The following CAMTA1 variants were observed in gnomAD, a reference collection of about 807,000 sequenced individuals.
CAMTA1 encodes the protein calmodulin binding transcription activator 1.
CAMTA1 carries 27 observed loss-of-function variants against 170.9 expected under a neutral mutation model. The ratio of observed to expected loss-of-function variants is 0.16; its 90% CI spans 0.12 to 0.22. The LOEUF (loss-of-function observed/expected upper bound fraction) is 0.22, where lower values mean the gene tolerates loss of function less well. CAMTA1 is among the 10% of genes least tolerant of loss of function. The probability of loss-of-function intolerance (pLI) is 1.00; values close to 1 mark genes in which losing one functional copy is unlikely to be tolerated. For missense variants in CAMTA1, 1,619 were observed against 2,217.2 expected (o/e 0.73, Z 5.42); for synonymous variants, 833 against 891.5 (o/e 0.93, Z 1.17).
chr1:7,137,506 G>T lies in CAMTA1; in HGVS notation c.302+46135G>T, dbSNP rs111921221. Among the ~76,000 whole-genome samples, 32 of 152,216 alleles carry T rather than the reference G, an allele frequency of 2.1e-4. No homozygotes were observed. The East Asian group carries it at 5.8e-3, about 28-fold the overall frequency. ...CTAACTGGTCTTATTTTAAATGTAC[G>T]ATCCCCCGCTCCAGGCCCTGGTGCT... is the stretch of plus-strand genomic sequence containing the variant. On this transcript the variant is annotated intron_variant, in intron 4 of 22. Coordinates refer to ENST00000303635, the MANE Select transcript of CAMTA1 (RefSeq NM_015215.4).
rs777417085 is a variant in CAMTA1 at position 7,144,317 on chromosome 1, CAG to C, written c.302+52949_302+52950del. Among the ~76,000 whole-genome samples the C allele has an allele frequency of 1.6e-4, 24 of 152,090 alleles. No individual in the cohort carries two copies. The highest frequency in any genetic ancestry group is 4.1e-4 in the African/African-American group (17 of 41,468). On this transcript the variant is annotated intron_variant, in intron 4 of 22. Coordinates refer to ENST00000303635, the MANE Select transcript of CAMTA1 (RefSeq NM_015215.4). This position sits in a 1 kb window ranked among gnomAD's most constrained non-coding sequence, Gnocchi z 4.0. Reference sequence around the variant, plus strand: ...TGAGTGTGTGAGAGACAGCAAGAGACAGAGCGAAAGAGAGAGTCTCTTTTCGT... The same window carrying C: ...TGAGTGTGTGAGAGACAGCAAGAGACAGCGAAAGAGAGAGTCTCTTTTCGT...
chr1:7,317,897 T>G (rs1574640292), intron 5 of CAMTA1, among the ~76,000 whole-genome samples: 1 of 152,228 alleles, frequency 6.6e-6, no homozygotes, highest in East Asian at 1.9e-4. Context: ...GTTCCTTTCC[T>G]GCCTAGGGCA....
At chr1:7,231,163 C>T (rs910789682) in intron 4 of CAMTA1, among the ~76,000 whole-genome samples, 1 of 152,190 alleles carries the variant, frequency 6.6e-6, no homozygotes, top group Non-Finnish European at 1.5e-5. Context: ...CCCAGGCAAC[C>T]TCCTGGCCCC....
intron 5 of CAMTA1, among the ~76,000 whole-genome samples, chr1:7,424,117 G>T (rs1339140629): frequency 6.6e-6 from 1 of 152,078 alleles, no homozygotes; most frequent in Non-Finnish European, 1.5e-5. Flanking sequence ...TCCCCACGTG[G>T]GCTCTGTGCT....
In CAMTA1 at chr1:7,577,362, C is replaced by T. The variant is rs369092892; in HGVS notation, c.511-63038C>T. Among the ~76,000 whole-genome samples the T allele has an allele frequency of 1.4e-4, 22 of 152,228 alleles. 1 individual carries two copies. The East Asian group carries it at 3.5e-3, about 24-fold the overall frequency. On this transcript the variant is annotated intron_variant, in intron 6 of 22. Coordinates refer to ENST00000303635, the MANE Select transcript of CAMTA1 (RefSeq NM_015215.4). ...CTTTAAGGAGTAGCCCCAACCTCTC[C>T]CAGCCCCTCAGGAGGGAAGCAAGGC...
chr1:6,904,813 G>A (rs955031784), intron 3 of CAMTA1, among the ~76,000 whole-genome samples: 2 of 132,100 alleles, frequency 1.5e-5, no homozygotes, highest in Admixed American at 9.2e-5. Context: ...GACTGATCTC[G>A]AACTCCTGAG....
chr1:7,052,405 G>C (rs1706548324), intron 3 of CAMTA1, among the ~76,000 whole-genome samples: 1 of 152,072 alleles, frequency 6.6e-6, no homozygotes, highest in African/African-American at 2.4e-5. Context: ...TACCATCTCA[G>C]GTTCCAGAAG....
At chr1:7,370,914 C>CTTT (rs61387662) in intron 5 of CAMTA1, among the ~76,000 whole-genome samples, 2 of 110,010 alleles carry the variant, frequency 1.8e-5, no homozygotes, top group Non-Finnish European at 3.4e-5. Context: ...TTCTTTCTTT[C>CTTT]TTTTTTTTTT....
At chr1:7,499,359 G>C (rs2093924819) in intron 6 of CAMTA1, among the ~76,000 whole-genome samples, 1 of 146,382 alleles carries the variant, frequency 6.8e-6, no homozygotes, top group South Asian at 2.2e-4. Flanking sequence ...TGTGAGCCTG[G>C]TGTGCGTGTG....
At chr1:7,121,819 C>T (rs1047140187) in intron 4 of CAMTA1, among the ~76,000 whole-genome samples, 1 of 152,050 alleles carries the variant, frequency 6.6e-6, no homozygotes, top group Admixed American at 6.5e-5. Context: ...GGGAGAGCCG[C>T]GAGGGGGGTG....
intron 6 of CAMTA1, among the ~76,000 whole-genome samples, chr1:7,516,853 C>T (rs751793358): frequency 3.9e-5 from 6 of 152,152 alleles, no homozygotes; most frequent in Non-Finnish European, 7.3e-5. Flanking sequence ...ACAGGAGACC[C>T]TGAGAGGGCT....
chr1:6,870,625 G>A (rs554432053), intron 3 of CAMTA1, among the ~76,000 whole-genome samples: 45 of 152,140 alleles, frequency 3.0e-4, no homozygotes, highest in African/African-American at 9.2e-4. Flanking sequence ...ATTTATTGTG[G>A]GCTACAGCTG....
chr1:7,623,749 C>CG (rs1489890610), intron 6 of CAMTA1, among the ~76,000 whole-genome samples: 1 of 152,208 alleles, frequency 6.6e-6, no homozygotes, highest in Non-Finnish European at 1.5e-5. Flanking sequence ...CCGCCCGCCT[C>CG]GGCCTCCCGA....
rs1478714952 is a variant in CAMTA1 at position 6,934,544 on chromosome 1, G to A, written c.234+109334G>A. On this transcript the variant is annotated intron_variant, in intron 3 of 22. Coordinates refer to ENST00000303635, the MANE Select transcript of CAMTA1 (RefSeq NM_015215.4). The surrounding 1 kb of genome is among the most constrained non-coding windows in gnomAD (Gnocchi z 4.5). ...AAAGGAACTTGGCCACTGTGGACCC[G>A]CTTGGGCTAGCTGCGTGTCTCTGTG... Among the ~76,000 whole-genome samples the A allele has an allele frequency of 2.6e-5, 4 of 152,156 alleles. No homozygotes were observed. The highest frequency in any genetic ancestry group is 4.4e-5 in the Non-Finnish European group (3 of 68,020).
chr1:7,640,504 G>A lies in CAMTA1; in HGVS notation c.615G>A (p.Glu205=). 1.2e-6 allele frequency: 2 copies of A among 1,614,250 alleles called. No individual in the cohort carries two copies. Among genetic ancestry groups the A allele is most frequent in the Non-Finnish European group, 1.7e-6 (2 of 1,180,042 alleles). Residue 205 remains glutamate, a synonymous_variant, in exon 7 of 23, where the codon GAG becomes GAA. Transcript: ENST00000303635. ...GCTCCATCAACACCGACAAGAAGGA[G>A]TGGGCGAAATGGACGAAAGAAGAGC... is the stretch of plus-strand genomic sequence containing the variant. ...ILCSINTDKK[E]WAKWTKEELI...
chr1:7,013,209 C>CTTCTTTTTTT (rs1304575208), intron 3 of CAMTA1, among the ~76,000 whole-genome samples: 1 of 84,194 alleles, frequency 1.2e-5, no homozygotes, highest in African/African-American at 5.3e-5. Flanking sequence ...TGCCCTTCTT[C>CTTCTTTTTTT]TTTTTTTTTT....
At chr1:7,110,993 C>G (rs1644002011) in intron 4 of CAMTA1, among the ~76,000 whole-genome samples, 1 of 152,214 alleles carries the variant, frequency 6.6e-6, no homozygotes, top group Admixed American at 6.5e-5. Context: ...GGGCTGCGCT[C>G]CTTCTGGAAG....
chr1:7,247,901 G>C (rs540660468), intron 4 of CAMTA1, among the ~76,000 whole-genome samples: 1 of 152,164 alleles, frequency 6.6e-6, no homozygotes, highest in Non-Finnish European at 1.5e-5. Flanking sequence ...AGATACCAGC[G>C]GGTGACAGCA....
intron 2 of CAMTA1, among the ~76,000 whole-genome samples, chr1:6,822,350 T>C (rs1280190463): frequency 6.6e-6 from 1 of 152,206 alleles, no homozygotes; most frequent in East Asian, 1.9e-4. Context: ...AAAATCAAAG[T>C]TTCTCTGTAT....
Sources: gnomAD v4.1 joint callset for allele counts (sites outside exome capture counted in the v4.1 genomes callset) on GRCh38, gnomAD v4.1.1 for gene constraint, Gnocchi (gnomAD v3.1) non-coding constraint, MANE v1.5 for transcripts, NCBI Gene and HGNC (gene_info 2026-07-23, HGNC 2026-07-21) for gene names.